Variants in HOXD3 observed in about 807,000 individuals in gnomAD.
HOXD3 encodes homeobox D3.
In HOXD3, 13 loss-of-function variants were observed where a neutral mutation model predicts 32.8. The observed-to-expected ratio is 0.40, with a 90% CI of 0.26 to 0.63. HOXD3 has a LOEUF of 0.63. Among genes scored for constraint, HOXD3 ranks in the 20% least tolerant of loss-of-function variants. HOXD3 has a pLI of 0.44. For synonymous variants in HOXD3, 241 were observed against 246.8 expected (o/e 0.98, Z 0.22); for missense variants, 504 against 577.1 (o/e 0.87, Z 1.30).
chr2:176,155,915 G>C (rs760352972), upstream of HOXD3, among the ~76,000 whole-genome samples: 7 of 152,086 alleles, frequency 4.6e-5, no homozygotes, highest in Non-Finnish European at 8.8e-5. Context: ...AGATGACACT[G>C]TCAGTCAGCC....
At chr2:176,169,796 T>C (rs1251081330) in intron 3 of HOXD3, 141 bp downstream of exon 3, 1 of 1,068,536 alleles carries the variant, frequency 9.4e-7, no homozygotes. Flanking sequence ...TTTTTAGTGT[T>C]CCTGATTGGG....
upstream of HOXD3, among the ~76,000 whole-genome samples, chr2:176,155,839 G>A: frequency 6.6e-6 from 1 of 152,176 alleles, no homozygotes; most frequent in Admixed American, 6.5e-5. Flanking sequence ...GGAGAGTGAA[G>A]TGTTTGCTGA....
rs1016576251 is a variant in HOXD3, at chr2:176,172,777, T to C, written c.*503T>C. 1.3e-5 allele frequency: 2 copies of C among 155,286 alleles called. No homozygotes were observed. The highest frequency in any genetic ancestry group is 4.8e-5 in the African/African-American group (2 of 41,542). The allele number at this position is 155,286 out of a possible 1,614,324, so 9.6% of individuals were successfully genotyped here. A position where few individuals can be genotyped will look rare whatever the true frequency, so the allele number is the denominator to read the frequency against. On this transcript the variant is annotated 3_prime_UTR_variant, in exon 4 of 4. Transcript: ENST00000683222. ...ATTTATCCTTGTCTGAATGTATTTA[T>C]GTGTATATTTGTAGATTTATCCAGC... is the stretch of plus-strand genomic sequence containing the variant.
chr2:176,152,880 G>A (rs1442520033), upstream of HOXD3: 5 of 1,613,968 alleles, frequency 3.1e-6, no homozygotes, highest in Admixed American at 1.7e-5. The surrounding 1 kb of genome is among the most constrained non-coding windows in gnomAD (Gnocchi z 5.2). Context: ...CTCCTCAGTC[G>A]CCCCCAGCCA....
At chr2:176,168,713 T>C (rs1193609819) in intron 2 of HOXD3, among the ~76,000 whole-genome samples, 1 of 152,200 alleles carries the variant, frequency 6.6e-6, no homozygotes, top group Non-Finnish European at 1.5e-5. Context: ...CTGAAATAGC[T>C]ATTAATACTG....
chr2:176,161,757 A>G (rs1690812149), intron 1 of HOXD3, among the ~76,000 whole-genome samples: 1 of 152,204 alleles, frequency 6.6e-6, no homozygotes, highest in Admixed American at 6.5e-5. Flanking sequence ...TCCCTTTACC[A>G]ATCCAGGCTT....
chr2:176,160,590 T>G (rs1199022693), intron 1 of HOXD3, among the ~76,000 whole-genome samples: 1 of 152,206 alleles, frequency 6.6e-6, no homozygotes, highest in African/African-American at 2.4e-5. Flanking sequence ...CAGTACAAGC[T>G]TCCCTCGGGG....
upstream of HOXD3, among the ~76,000 whole-genome samples, chr2:176,154,853 C>A (rs1184497907): frequency 2.0e-5 from 3 of 152,216 alleles, no homozygotes; most frequent in Non-Finnish European, 4.4e-5. Context: ...TTATTCACAT[C>A]ATTGTTTCTA....
chr2:176,164,622 A>T (rs1437314521), intron 2 of HOXD3: 2 of 152,186 alleles, frequency 1.3e-5, no homozygotes, highest in African/African-American at 4.8e-5. Context: ...GCTCAGCAAA[A>T]GTCTTGGCCG....
At chr2:176,153,303 C>T (rs1181775169), upstream of HOXD3, 3 of 292,486 alleles carry the variant, frequency 1.0e-5, no homozygotes, top group Admixed American at 9.7e-5. Flanking sequence ...CTCCCCCACT[C>T]CACCCCTCCA....
intron 2 of HOXD3, 78 bp from the exon 3 acceptor site, chr2:176,168,953 A>C: frequency 7.2e-6 from 8 of 1,106,506 alleles, no homozygotes; most frequent in Non-Finnish European, 8.7e-6. Flanking sequence ...GGAAGCAGAG[A>C]GCATGGGCTA....
chr2:176,153,008 G>C (rs781160906), upstream of HOXD3: 3 of 1,495,656 alleles, frequency 2.0e-6, no homozygotes, highest in Non-Finnish European at 9.3e-7. Context: ...GGGGCAGGCC[G>C]GGCCTGCTGT....
upstream of HOXD3, among the ~76,000 whole-genome samples, chr2:176,157,088 C>T (rs1271130154): frequency 2.0e-5 from 3 of 152,094 alleles, no homozygotes; most frequent in African/African-American, 7.2e-5. Context: ...TCGGGACCCT[C>T]GGCGGACGGC....
intron 2 of HOXD3, chr2:176,164,789 G>C (rs1484768462): frequency 6.6e-6 from 1 of 152,186 alleles, no homozygotes; most frequent in African/African-American, 2.4e-5. Flanking sequence ...TCTACCCGTC[G>C]GTGATTTACG....
chr2:176,167,866 G>A (rs1691028948), intron 2 of HOXD3, among the ~76,000 whole-genome samples: 1 of 152,160 alleles, frequency 6.6e-6, no homozygotes, highest in Non-Finnish European at 1.5e-5. Flanking sequence ...TGTGCTGGAT[G>A]TTAGGAACAG....
rs544638987 is a variant in HOXD3, at chr2:176,169,663, C to T, written c.541+8C>T. 4.1e-5 allele frequency: 64 copies of T among 1,573,700 alleles called. No individual in the cohort carries two copies. The South Asian group carries it at 7.3e-4, about 18-fold the overall frequency. ...ACAGCTGTGCCACTGCAGGTAGCTCCCTGAGGTGGCCTACTGCCAGACCAA... is the reference window on the plus strand; with the variant it reads ...ACAGCTGTGCCACTGCAGGTAGCTCTCTGAGGTGGCCTACTGCCAGACCAA... On this transcript the variant is annotated splice_region_variant and intron_variant, in intron 3 of 3. Coordinates refer to ENST00000683222, the MANE Select transcript of HOXD3 (RefSeq NM_006898.5).
chr2:176,161,636 G>A (rs1484089151), intron 1 of HOXD3, among the ~76,000 whole-genome samples: 2 of 152,246 alleles, frequency 1.3e-5, no homozygotes, highest in Middle Eastern at 3.4e-3. Flanking sequence ...TTTACCTCTT[G>A]CTGTTGGCTT....
At chr2:176,165,528 G>T (rs1393129999) in intron 2 of HOXD3, 1 of 152,228 alleles carries the variant, frequency 6.6e-6, no homozygotes, top group African/African-American at 2.4e-5. Context: ...TCCAAGCTGA[G>T]TTGGGCAACT....
upstream of HOXD3, chr2:176,153,311 C>G (rs1450559642): frequency 3.7e-6 from 1 of 269,210 alleles, no homozygotes; most frequent in African/African-American, 2.2e-5. Flanking sequence ...CTCCACCCCT[C>G]CAGGGTGCTT....
Sources: gnomAD v4.1 joint callset for allele counts (sites outside exome capture counted in the v4.1 genomes callset) on GRCh38, gnomAD v4.1.1 for gene constraint, Gnocchi (gnomAD v3.1) non-coding constraint, MANE v1.5 for transcripts, NCBI Gene and HGNC (gene_info 2026-07-23, HGNC 2026-07-21) for gene names.